IRF1: variants seen among roughly 807,000 people sequenced by gnomAD.
IRF1 encodes interferon regulatory factor 1.
A neutral mutation model predicts 43.7 loss-of-function variants in IRF1; 13 were observed. That is an observed-to-expected ratio of 0.30 (90% confidence interval 0.19 to 0.47). IRF1 has a LOEUF of 0.47. Among genes scored for constraint, IRF1 ranks in the 20% least tolerant of loss-of-function variants. IRF1 has a pLI of 0.99. For missense variants in IRF1, 236 were observed against 408.9 expected, an observed-to-expected ratio of 0.58 and a Z score of 3.65; for synonymous variants, 138 against 146.8, an observed-to-expected ratio of 0.94 and a Z score of 0.43.
chr5:132,487,633 C>G lies in IRF1; in HGVS notation c.187+293G>C, dbSNP rs957035226. 1.1e-5 allele frequency: 5 copies of G among 463,066 alleles called. No individual in the cohort carries two copies. The Admixed American group carries it at 1.1e-4, about 10-fold the overall frequency. 28.7% of individuals were successfully genotyped at this position (463,066 alleles called of 1,614,324 possible). On this transcript the variant is annotated intron_variant, in intron 3 of 9. Transcript: ENST00000245414. The stretch of plus-strand genomic sequence containing the variant: ...AGGCAGACCTGGGTCTCTTTCAGTG[C>G]CCTGGCTTACAGCTGCTTTTCACAG...
At chr5:132,487,341 C>A in intron 3 of IRF1, 2 of 582,224 alleles carry the variant, frequency 3.4e-6, no homozygotes, top group Admixed American at 3.0e-5. Context: ...ACACATCTAG[C>A]GGGCCTCAGT....
intron 8 of IRF1, 189 bp from the exon 9 acceptor site, chr5:132,484,686 T>C: frequency 1.6e-6 from 1 of 628,296 alleles, no homozygotes; most frequent in Non-Finnish European, 2.7e-6. Context: ...GAAATGCATG[T>C]TGGCACTGGT....
intron 2 of IRF1, chr5:132,488,751 C>G (rs1754614539): frequency 6.5e-6 from 1 of 153,148 alleles, no homozygotes; most frequent in Non-Finnish European, 1.5e-5. Context: ...CCTCTCAGTG[C>G]CTCTGTTTAC....
chr5:132,487,907 CTGAGT>C lies in IRF1; in HGVS notation c.187+14_187+18del. ...TGTCTCTACCCTGGGCTTCCTAGGC[CTGAGT>C]CCCAGGCACACACCTGTGTGAATGG... On this transcript the variant is annotated intron_variant, in intron 3 of 9. Transcript: ENST00000245414. 1 of 1,594,926 alleles carries C rather than the reference CTGAGT, an allele frequency of 6.3e-7. No individual in the cohort carries two copies. The highest frequency in any genetic ancestry group is 8.6e-7 in the Non-Finnish European group (1 of 1,162,988).
At chr5:132,485,951 CCTACTTCCTT>C in intron 7 of IRF1, 5 of 257,908 alleles carry the variant, frequency 1.9e-5, no homozygotes, top group Non-Finnish European at 3.3e-5. Flanking sequence ...CCACCCCTAC[CCTACTTCCTT>C]CCTCACCCTC....
Position 132,489,469 on chromosome 5 carries a change from T to C in IRF1, c.10A>G (p.Thr4Ala). The C allele has an allele frequency of 6.2e-7, 1 of 1,613,256 alleles. No individual in the cohort carries two copies. The highest frequency in any genetic ancestry group is 1.7e-4 in the Middle Eastern group (1 of 6,060). MPI[T>A]RMRMRPWLEM... ...AGCCAGGGTCTCATGCGCATCCGAG[T>C]GATGGGCATGTTGGCTGTAAAGAGA... is the stretch of plus-strand genomic sequence containing the variant. Residue 4 changes from threonine (T) to alanine (A), a missense_variant, in exon 2 of 10, where the codon ACT becomes GCT. Physicochemically the swap from Thr to Ala is moderately conservative, Grantham distance 58. This residue lies in a region of IRF1 where 66 missense variants were observed against 157.1 expected (regional missense o/e 0.42). Transcript: ENST00000245414.
At position 132,484,051 on chromosome 5, in the gene IRF1, C is replaced by T. The variant is rs756777181; in HGVS notation, c.878G>A (p.Arg293His). 1.1e-5 allele frequency: 18 copies of T among 1,613,826 alleles called. No individual in the cohort carries two copies. The highest frequency in any genetic ancestry group is 4.0e-5 in the African/African-American group (3 of 74,870). The change falls in exon 10 of 10, where the codon CGT becomes CAT. Residue 293 changes from arginine (R) to histidine (H), a missense_variant. Arg to His is a conservative substitution (Grantham distance 29). Around this residue, in one of 2 missense-constraint regions of IRF1, gnomAD observed 170 missense variants for 251.8 expected, o/e 0.68. Transcript: ENST00000245414. Reference protein sequence around the residue: ...PGGDIGLSLQRVFTDLKNMDA... With the variant: ...PGGDIGLSLQHVFTDLKNMDA... ...CATGTTCTTCAGATCTGTGAAGACA[C>T]GCTGTAGACTCAGCCCAATATCCCC...
chr5:132,484,148 G>A, intron 9 of IRF1, 73 bp from the exon 10 acceptor site: 10 of 1,578,074 alleles, frequency 6.3e-6, no homozygotes, highest in Non-Finnish European at 8.7e-6. Flanking sequence ...TACCCCTGAA[G>A]GCCATAGACA....
At chr5:132,489,333 T>TC (rs1754637929) in intron 2 of IRF1, 59 bp downstream of exon 2, 7 of 1,268,550 alleles carry the variant, frequency 5.5e-6, no homozygotes, top group Non-Finnish European at 8.1e-6. Context: ...GAAGCTTTGG[T>TC]CCCTCCAGAA....
At chr5:132,487,749 CT>C in intron 3 of IRF1, 176 bp downstream of exon 3, 2 of 590,078 alleles carry the variant, frequency 3.4e-6, no homozygotes, top group Non-Finnish European at 6.1e-6. Context: ...TGAGAATTTG[CT>C]GAGATGATCG....
chr5:132,486,524 G>C (rs1305477646), intron 6 of IRF1, 33 bp downstream of exon 6: 2 of 1,613,450 alleles, frequency 1.2e-6, no homozygotes, highest in Admixed American at 1.7e-5. Context: ...CCACTGACCT[G>C]TGGGGTCTCC....
rs954942055 is a variant in IRF1 at position 132,487,695 on chromosome 5, A to G, written c.187+231T>C. On this transcript the variant is annotated intron_variant, in intron 3 of 9. Coordinates refer to ENST00000245414, the MANE Select transcript of IRF1 (RefSeq NM_002198.3). ...AGGGAGAACTTTCATCTAGCCACAA[A>G]CCCCCTGAAGCCACACACTTTCTAA... The G allele has an allele frequency of 7.3e-6, 4 of 545,094 alleles. No homozygotes were observed. The African/African-American group carries it at 7.6e-5, about 10-fold the overall frequency. 33.8% of individuals were successfully genotyped at this position (545,094 alleles called of 1,614,324 possible).
At chr5:132,484,295 A>T in intron 9 of IRF1, 67 bp downstream of exon 9, 1 of 1,587,406 alleles carries the variant, frequency 6.3e-7, no homozygotes, top group Non-Finnish European at 8.6e-7. Flanking sequence ...CCCTGCCCCC[A>T]AGCTTTCTCC....
At chr5:132,486,767 A>C in intron 5 of IRF1, 28 bp downstream of exon 5, 1 of 1,614,152 alleles carries the variant, frequency 6.2e-7, no homozygotes, top group Non-Finnish European at 8.5e-7. Context: ...AGGTGACCAA[A>C]GGCCTGGCTG....
rs1754666947 is a variant in IRF1 at position 132,490,041 on chromosome 5, AAGG to A, written c.-6+501_-6+503del. 6.5e-6 allele frequency: 1 copy of A among 154,730 alleles called. No individual in the cohort carries two copies. 9.6% of individuals were successfully genotyped at this position (154,730 alleles called of 1,614,324 possible). A position where few individuals can be genotyped will look rare whatever the true frequency, so the allele number is the denominator to read the frequency against. On this transcript the variant is annotated intron_variant, in intron 1 of 9. Coordinates refer to ENST00000245414, the MANE Select transcript of IRF1 (RefSeq NM_002198.3). This position sits in a 1 kb window ranked among gnomAD's most constrained non-coding sequence, Gnocchi z 5.8. ...TTCCCCTCCTCTGGAGAAGTGGCCCAAGGAACACCTGTGGCGCCTCTTCCCGCA... is the reference window on the plus strand; with the variant it reads ...TTCCCCTCCTCTGGAGAAGTGGCCCAAACACCTGTGGCGCCTCTTCCCGCA...
In IRF1 at chr5:132,487,029, G is replaced by T. The variant is rs1291983049; in HGVS notation, c.289C>A (p.Gln97Lys). The T allele has an allele frequency of 3.7e-6, 6 of 1,614,164 alleles. No individual in the cohort carries two copies. Among genetic ancestry groups the T allele is most frequent in the Non-Finnish European group, 5.1e-6 (6 of 1,180,026 alleles). Residue 97 changes from glutamine to lysine, a missense_variant, in exon 4 of 10, where the codon CAG (glutamine) becomes AAG (lysine). This residue lies in a region of IRF1 where 66 missense variants were observed against 157.1 expected (regional missense o/e 0.42). Transcript: ENST00000245414. ...SLPDIEEVKDQSRNKGSSAVR... is the reference protein window; with the variant it reads ...SLPDIEEVKDKSRNKGSSAVR... ...GCTGAGCTGCCCTTGTTCCTGCTCTGGTCTTTCACCTCCTCGATATCTGGC... is the reference window on the plus strand; with the variant it reads ...GCTGAGCTGCCCTTGTTCCTGCTCTTGTCTTTCACCTCCTCGATATCTGGC...
chr5:132,485,945 C>A, intron 7 of IRF1: 1 of 576,954 alleles, frequency 1.7e-6, no homozygotes, highest in Non-Finnish European at 3.0e-6. Context: ...CGCTTCCCAC[C>A]CCTACCCTAC....
In IRF1 at chr5:132,484,371, T is replaced by G; in HGVS notation, c.844A>C (p.Ser282Arg). 1 of 1,614,130 alleles carries G rather than the reference T, an allele frequency of 6.2e-7. No homozygotes were observed. The highest frequency in any genetic ancestry group is 1.1e-5 in the South Asian group (1 of 91,084). ...TCCAGGGCCTTCTTACCCCCTGGGC[T>G]GTCAATTTCTGGCTCCTCCTTACAG... ...FSCKEEPEID[S>R]PGGDIGLSLQ... The change falls in exon 9 of 10, where the codon AGC (serine) becomes CGC (arginine). Residue 282 changes from serine to arginine, a missense_variant. This residue lies in a region of IRF1 where 170 missense variants were observed against 251.8 expected (regional missense o/e 0.68). Coordinates refer to ENST00000245414, the MANE Select transcript of IRF1 (RefSeq NM_002198.3).
chr5:132,487,583 A>G, intron 3 of IRF1: 1 of 377,250 alleles, frequency 2.7e-6, no homozygotes, highest in Non-Finnish European at 5.0e-6. Flanking sequence ...GCTTGGACCA[A>G]GGGCCTTGGT....
Sources: allele counts gnomAD v4.1 joint callset, GRCh38; gene constraint gnomAD v4.1.1; regional missense constraint gnomAD v4.1.1; non-coding constraint Gnocchi (gnomAD v3.1); transcripts MANE v1.5; gene names NCBI Gene and HGNC (gene_info 2026-07-23, HGNC 2026-07-21).